Variants in LIN52 observed in about 807,000 individuals in gnomAD.
LIN52 encodes protein lin-52 homolog.
Under a neutral mutation model 18.5 loss-of-function variants are expected in LIN52, and 4 were observed. The observed-to-expected ratio is 0.22, with a 90% CI of 0.11 to 0.49. The LOEUF (loss-of-function observed/expected upper bound fraction) is 0.49, where lower values mean the gene tolerates loss of function less well. Among genes scored for constraint, LIN52 ranks in the 20% least tolerant of loss-of-function variants. LIN52 has a pLI of 0.97. For synonymous variants in LIN52, 34 were observed against 45.5 expected (o/e 0.75, Z 1.02); for missense variants, 102 against 139.5 (o/e 0.73, Z 1.35).
chr14:74,194,536 C>A (rs2078898432), intron 5 of LIN52, among the ~76,000 whole-genome samples: 1 of 152,132 alleles, frequency 6.6e-6, no homozygotes, highest in African/African-American at 2.4e-5. Context: ...CAGTGGAAAC[C>A]TGAAAGTTGA....
chr14:74,141,739 G>A (rs1438591694), intron 5 of LIN52, among the ~76,000 whole-genome samples: 4 of 152,238 alleles, frequency 2.6e-5, no homozygotes, highest in African/African-American at 9.7e-5. Flanking sequence ...TTAGTTAAAT[G>A]AGAAGTATTC....
At chr14:74,181,992 T>C (rs1444750823) in intron 5 of LIN52, among the ~76,000 whole-genome samples, 3 of 152,154 alleles carry the variant, frequency 2.0e-5, no homozygotes, top group African/African-American at 7.2e-5. Flanking sequence ...AGATGGCTAC[T>C]GTATATTGTG....
chr14:74,150,002 G>A (rs1555383462), intron 5 of LIN52, among the ~76,000 whole-genome samples: 1 of 152,066 alleles, frequency 6.6e-6, no homozygotes, highest in Non-Finnish European at 1.5e-5. Flanking sequence ...TCTTTTAACT[G>A]AGAACAATTT....
chr14:74,147,867 A>G (rs1368773469), intron 5 of LIN52, among the ~76,000 whole-genome samples: 1 of 152,180 alleles, frequency 6.6e-6, no homozygotes, highest in African/African-American at 2.4e-5. Flanking sequence ...TGCAAGTTGA[A>G]AAAGTTCTGG....
At chr14:74,183,320 C>T (rs923979151) in intron 5 of LIN52, among the ~76,000 whole-genome samples, 2 of 152,114 alleles carry the variant, frequency 1.3e-5, no homozygotes, top group African/African-American at 4.8e-5. Flanking sequence ...AGGATGGTCT[C>T]GATCTCCTGA....
intron 5 of LIN52, among the ~76,000 whole-genome samples, chr14:74,109,535 G>A (rs1178344316): frequency 6.6e-6 from 1 of 152,202 alleles, no homozygotes; most frequent in Non-Finnish European, 1.5e-5. Context: ...TTCCATTGAT[G>A]TAATCTCTAT....
chr14:74,182,510 G>A (rs1449312286), intron 5 of LIN52, among the ~76,000 whole-genome samples: 1 of 151,996 alleles, frequency 6.6e-6, no homozygotes, highest in Non-Finnish European at 1.5e-5. Flanking sequence ...GCCAAGTAAT[G>A]TAGATGCTGA....
chr14:74,188,571 C>G, intron 5 of LIN52, among the ~76,000 whole-genome samples: 1 of 151,550 alleles, frequency 6.6e-6, no homozygotes, highest in Non-Finnish European at 1.5e-5. Context: ...TCCCCCCACA[C>G]TCATTTTGTA....
At position 74,130,295 on chromosome 14, in the gene LIN52, T is replaced by TTTTTTTTTTTTTTTTTTTTTTTTC. The variant is rs1315000657; in HGVS notation, c.283+29058_283+29059insTTTTTTTTTTTTTTTTTTTTTTCT. On this transcript the variant is annotated intron_variant, in intron 5 of 5. Transcript: ENST00000555028. The stretch of plus-strand genomic sequence containing the variant: ...ATTTTTTGGTTTTTTTTTTTTTTTT[T>TTTTTTTTTTTTTTTTTTTTTTTTC]TGAGACAGTCTCGCTCTTTTGCCAA... Among the ~76,000 whole-genome samples the TTTTTTTTTTTTTTTTTTTTTTTTC allele has an allele frequency of 5.0e-5, 7 of 140,274 alleles. 1 individual carries two copies. Among genetic ancestry groups the TTTTTTTTTTTTTTTTTTTTTTTTC allele is most frequent in the Non-Finnish European group, 1.1e-4 (7 of 64,302 alleles). The allele number at this position is 140,274 out of a possible 152,430, so 92.0% of individuals were successfully genotyped here. A position where few individuals can be genotyped will look rare whatever the true frequency, so the allele number is the denominator to read the frequency against.
intron 5 of LIN52, among the ~76,000 whole-genome samples, chr14:74,135,607 G>GC (rs1261281417): frequency 6.6e-6 from 1 of 152,158 alleles, no homozygotes; most frequent in Non-Finnish European, 1.5e-5. Context: ...AAATTGTTTG[G>GC]CATCCTTCCA....
chr14:74,095,602 CAG>C (rs1363228914), intron 2 of LIN52, among the ~76,000 whole-genome samples: 2 of 152,154 alleles, frequency 1.3e-5, no homozygotes, highest in Admixed American at 6.6e-5. Context: ...ATTGGATTGA[CAG>C]AACAGCATCT....
At chr14:74,115,276 T>G (rs1010751233) in intron 5 of LIN52, among the ~76,000 whole-genome samples, 2 of 152,240 alleles carry the variant, frequency 1.3e-5, no homozygotes, top group African/African-American at 4.8e-5. Flanking sequence ...TTATAATTAT[T>G]TAAAGTCATT....
chr14:74,181,062 C>A (rs1381174458), intron 5 of LIN52, among the ~76,000 whole-genome samples: 6 of 138,776 alleles, frequency 4.3e-5, no homozygotes, highest in Admixed American at 2.3e-4. Context: ...GAGCTGTGAT[C>A]ATGCCACTGC....
At chr14:74,120,073 T>C (rs2060990714) in intron 5 of LIN52, among the ~76,000 whole-genome samples, 2 of 151,720 alleles carry the variant, frequency 1.3e-5, no homozygotes, top group African/African-American at 4.8e-5. Context: ...TGACCTCGGG[T>C]GATCCGCCTG....
At chr14:74,188,603 G>A (rs529792011) in intron 5 of LIN52, among the ~76,000 whole-genome samples, 43 of 151,018 alleles carry the variant, frequency 2.8e-4, no homozygotes, top group South Asian at 1.0e-3. Flanking sequence ...TGATATCACC[G>A]TAGCAGTAAT....
chr14:74,100,585 C>T (rs1310829956), intron 4 of LIN52, among the ~76,000 whole-genome samples: 1 of 152,152 alleles, frequency 6.6e-6, no homozygotes, highest in African/African-American at 2.4e-5. Context: ...AAGTGATTCT[C>T]CTGTTTCAGC....
At chr14:74,116,753 C>G (rs1053767658) in intron 5 of LIN52, among the ~76,000 whole-genome samples, 2 of 148,402 alleles carry the variant, frequency 1.3e-5, no homozygotes, top group Non-Finnish European at 3.0e-5. Context: ...AAGGGCATTT[C>G]ATGACAGAAA....
At chr14:74,182,107 C>T (rs2061320677) in intron 5 of LIN52, among the ~76,000 whole-genome samples, 1 of 152,200 alleles carries the variant, frequency 6.6e-6, no homozygotes, top group African/African-American at 2.4e-5. Context: ...GCCTCCCAGG[C>T]TCAAGCAGTC....
intron 5 of LIN52, among the ~76,000 whole-genome samples, chr14:74,160,617 C>T (rs1193007937): frequency 1.3e-5 from 2 of 152,204 alleles, no homozygotes; most frequent in South Asian, 2.1e-4. Flanking sequence ...AAGTCTTCTA[C>T]AGTTTAGGCC....
Sources: allele counts gnomAD v4.1 joint callset (sites outside exome capture counted in the v4.1 genomes callset), GRCh38; gene constraint gnomAD v4.1.1; transcripts MANE v1.5; gene names NCBI Gene and HGNC (gene_info 2026-07-23, HGNC 2026-07-21).